TBC1D31: variants seen among roughly 807,000 people sequenced by gnomAD.
TBC1D31 encodes WD repeat domain 67.
Under a neutral mutation model 132.9 loss-of-function variants are expected in TBC1D31, and 99 were observed. That is an observed-to-expected ratio of 0.74 (90% CI 0.63 to 0.88). The LOEUF (loss-of-function observed/expected upper bound fraction) is 0.88. Ranked by LOEUF, TBC1D31 falls within the 40% of genes least tolerant of loss-of-function variation. The pLI, the probability that TBC1D31 is intolerant of heterozygous loss-of-function variation, is 0.00. For synonymous variants in TBC1D31, 385 were observed against 419.4 expected (o/e 0.92, Z 1.00); for missense variants, 1,134 against 1,256.6 (o/e 0.90, Z 1.48).
chr8:123,142,494 T>A, intron 19 of TBC1D31, 38 bp downstream of exon 19: 1 of 1,386,692 alleles, frequency 7.2e-7, no homozygotes, highest in Middle Eastern at 2.1e-4. Flanking sequence ...ATATCAAGCA[T>A]TGATTTTTTT....
At chr8:123,145,723 TAGAGTAC>T (rs1822138049) in intron 20 of TBC1D31, among the ~76,000 whole-genome samples, 1 of 151,802 alleles carries the variant, frequency 6.6e-6, no homozygotes. Context: ...CCAAAAATTA[TAGAGTAC>T]AGTTAACAAG....
chr8:123,113,754 TG>T (rs1237589202), intron 10 of TBC1D31, among the ~76,000 whole-genome samples: 1 of 151,596 alleles, frequency 6.6e-6, no homozygotes, highest in East Asian at 1.9e-4. Flanking sequence ...CAATTTTTTT[TG>T]TTGGTTCTGA....
chr8:123,079,565 G>A (rs1178913590), intron 2 of TBC1D31, among the ~76,000 whole-genome samples: 1 of 150,150 alleles, frequency 6.7e-6, no homozygotes, highest in Non-Finnish European at 1.5e-5. Context: ...TAATACTTCT[G>A]AAAAAAATAA....
the TBC1D31 span, among the ~76,000 whole-genome samples, chr8:123,160,219 T>G: frequency 2.6e-5 from 4 of 152,172 alleles, no homozygotes; most frequent in South Asian, 6.2e-4. Flanking sequence ...TTCTGAGGAG[T>G]ACTAGTCGGG....
the TBC1D31 span, among the ~76,000 whole-genome samples, chr8:123,160,027 T>C: frequency 0.81 from 123,240 of 152,232 alleles, 50,311 homozygotes; most frequent in African/African-American, 0.92. Context: ...AGTAATGAAC[T>C]GGTGTTGATG....
intron 11 of TBC1D31, among the ~76,000 whole-genome samples, chr8:123,124,938 C>CA (rs1310001681): frequency 0.24 from 19,360 of 81,102 alleles, 1,600 homozygotes; most frequent in Admixed American, 0.32. Context: ...CTCCGTCTCA[C>CA]AAAAAAAAAA....
At chr8:123,128,848 C>G (rs568992158) in intron 14 of TBC1D31, among the ~76,000 whole-genome samples, 1 of 151,606 alleles carries the variant, frequency 6.6e-6, no homozygotes, top group Non-Finnish European at 1.5e-5. Flanking sequence ...TGCACTCCAG[C>G]CTGGGCGACA....
chr8:123,144,946 T>G, intron 20 of TBC1D31, 91 bp downstream of exon 20: 3 of 1,194,828 alleles, frequency 2.5e-6, no homozygotes, highest in Non-Finnish European at 3.5e-6. Flanking sequence ...TTTTTTGAGA[T>G]AGGGTCTTGT....
At chr8:123,104,553 G>GGTA (rs1817740438) in intron 7 of TBC1D31, among the ~76,000 whole-genome samples, 1 of 152,148 alleles carries the variant, frequency 6.6e-6, no homozygotes, top group Non-Finnish European at 1.5e-5. Context: ...AACTTAGAAA[G>GGTA]CCTGAGTTAC....
At chr8:123,098,155 AAACAT>A (rs1817017284) in intron 6 of TBC1D31, among the ~76,000 whole-genome samples, 1 of 152,178 alleles carries the variant, frequency 6.6e-6, no homozygotes, top group African/African-American at 2.4e-5. Flanking sequence ...ACATGGTTGA[AAACAT>A]AAAACAGCAT....
chr8:123,081,847 C>T (rs1055022235), intron 2 of TBC1D31, among the ~76,000 whole-genome samples: 5 of 149,458 alleles, frequency 3.3e-5, no homozygotes, highest in East Asian at 2.0e-4. Context: ...AAACTGCCCC[C>T]GTGATTCAAT....
At chr8:123,132,884 T>G (rs898746178) in intron 16 of TBC1D31, among the ~76,000 whole-genome samples, 4 of 152,216 alleles carry the variant, frequency 2.6e-5, no homozygotes, top group African/African-American at 9.7e-5. Context: ...AAAGTGTATG[T>G]TCTTCCCGCA....
At chr8:123,082,654 G>T in intron 2 of TBC1D31, 48 bp from the exon 3 acceptor site, 3 of 1,339,448 alleles carry the variant, frequency 2.2e-6, no homozygotes, top group Non-Finnish European at 3.1e-6. Flanking sequence ...CATGGAATTT[G>T]TAATTATTGG....
At chr8:123,153,201 G>A (rs991609984), downstream of TBC1D31, among the ~76,000 whole-genome samples, 2 of 152,168 alleles carry the variant, frequency 1.3e-5, no homozygotes, top group Non-Finnish European at 1.5e-5. Flanking sequence ...TATGTAGAGT[G>A]TGATGGGAAC....
the TBC1D31 span, among the ~76,000 whole-genome samples, chr8:123,158,650 A>G: frequency 1.3e-5 from 2 of 152,158 alleles, no homozygotes; most frequent in Admixed American, 1.3e-4. Context: ...CTAGAATTTG[A>G]GAGATACGGC....
In TBC1D31 at chr8:123,109,352, A is replaced by G. The variant is rs761660482; in HGVS notation, c.1245A>G (p.Leu415=). 7 of 1,606,400 alleles carry G rather than the reference A, an allele frequency of 4.4e-6. No homozygotes were observed. The South Asian group carries it at 6.6e-5, about 15-fold the overall frequency. ...CAGATGGATTAAACAAAAAGCGTTT[A>G]CAAATCTTATTAAAAGGCTATGGTG... ...ELPDGLNKKR[L]QILLKGYGEY... The change falls in exon 9 of 22, where the codon TTA becomes TTG. Residue 415 remains leucine (L), a synonymous_variant. Coordinates refer to ENST00000287380, the MANE Select transcript of TBC1D31 (RefSeq NM_145647.4).
Position 123,128,971 on chromosome 8 carries a change from A to G in TBC1D31, c.2118-95A>G, listed in dbSNP as rs115580069. ...AGATAGTTAATTCTTGCATATGGAA[A>G]TAAAATAGATTATACATTAATCGGT... On this transcript the variant is annotated intron_variant, in intron 14 of 21. Transcript: ENST00000287380. 2,970 of 818,934 alleles carry G rather than the reference A, an allele frequency of 3.6e-3. 70 individuals carry two copies. In the African/African-American group the frequency reaches 0.047, roughly 13 times the overall value. The allele number at this position is 818,934 out of a possible 1,614,324, so 50.7% of individuals were successfully genotyped here.
intron 5 of TBC1D31, among the ~76,000 whole-genome samples, chr8:123,095,558 A>G (rs1404463347): frequency 1.3e-5 from 2 of 152,242 alleles, no homozygotes; most frequent in Admixed American, 6.5e-5. Flanking sequence ...TTGTAAACTC[A>G]TAGGCTTAGA....
intron 19 of TBC1D31, 147 bp from the exon 20 acceptor site, chr8:123,144,570 C>A: frequency 1.3e-6 from 1 of 768,588 alleles, no homozygotes; most frequent in Non-Finnish European, 2.0e-6. Context: ...ACACAGGCAC[C>A]CCAGTTACCA....
Sources: gnomAD v4.1 joint callset for allele counts (sites outside exome capture counted in the v4.1 genomes callset) on GRCh38, gnomAD v4.1.1 for gene constraint, MANE v1.5 for transcripts, NCBI Gene and HGNC (gene_info 2026-07-23, HGNC 2026-07-21) for gene names.